Variants in UNC5C observed in about 807,000 individuals in gnomAD.
The protein encoded by UNC5C is unc-5 netrin receptor C.
In UNC5C, 47 loss-of-function variants were observed where a neutral mutation model predicts 99.8. The ratio of observed to expected loss-of-function variants is 0.47; its 90% CI spans 0.37 to 0.60. UNC5C has a LOEUF of 0.60. UNC5C is among the 20% of genes least tolerant of loss of function. The pLI, the probability that UNC5C is intolerant of heterozygous loss-of-function variation, is 0.00. For missense variants in UNC5C, 1,062 were observed against 1,165.9 expected (o/e 0.91, Z 1.30); for synonymous variants, 487 against 452.2 (o/e 1.08, Z -0.98).
intron 1 of UNC5C, among the ~76,000 whole-genome samples, chr4:95,509,999 A>C (rs1323735295): frequency 6.6e-6 from 1 of 151,972 alleles, no homozygotes; most frequent in African/African-American, 2.4e-5. Context: ...AGACAGGAAA[A>C]ACAATTTAAA....
intron 1 of UNC5C, among the ~76,000 whole-genome samples, chr4:95,446,710 G>A (rs1424775083): frequency 1.3e-5 from 2 of 152,120 alleles, no homozygotes; most frequent in African/African-American, 4.8e-5. Flanking sequence ...CACAACTATA[G>A]TGGTTACACA....
intron 2 of UNC5C, among the ~76,000 whole-genome samples, chr4:95,307,352 T>A (rs549596597): frequency 6.6e-6 from 1 of 152,166 alleles, no homozygotes; most frequent in East Asian, 1.9e-4. Flanking sequence ...AGCTTTATTA[T>A]GAGTATAATT....
At chr4:95,302,069 T>C (rs1411437233) in intron 2 of UNC5C, among the ~76,000 whole-genome samples, 1 of 152,236 alleles carries the variant, frequency 6.6e-6, no homozygotes, top group African/African-American at 2.4e-5. Flanking sequence ...AAATATAAAC[T>C]TGAGTTTCAC....
intron 1 of UNC5C, among the ~76,000 whole-genome samples, chr4:95,487,211 C>T (rs1721350406): frequency 1.3e-5 from 2 of 151,770 alleles, no homozygotes; most frequent in African/African-American, 4.8e-5. Flanking sequence ...ATAAATAGAA[C>T]ATTTGATTTG....
chr4:95,253,100 G>C (rs984885976), intron 4 of UNC5C, among the ~76,000 whole-genome samples: 2 of 152,042 alleles, frequency 1.3e-5, no homozygotes, highest in African/African-American at 4.8e-5. Context: ...CATTCAACCT[G>C]TACTAGGCTT....
chr4:95,223,743 ATTCTG>A (rs1738564437), intron 7 of UNC5C, among the ~76,000 whole-genome samples: 1 of 152,086 alleles, frequency 6.6e-6, no homozygotes, highest in Non-Finnish European at 1.5e-5. Context: ...TTCCATTTGT[ATTCTG>A]TGAACTCAAT....
intron 14 of UNC5C, among the ~76,000 whole-genome samples, chr4:95,174,279 G>C (rs1214309239): frequency 6.6e-6 from 1 of 151,600 alleles, no homozygotes; most frequent in Non-Finnish European, 1.5e-5. Flanking sequence ...CTTGCCTTCT[G>C]CTAGCTTTTG....
intron 1 of UNC5C, among the ~76,000 whole-genome samples, chr4:95,450,939 T>G (rs955441645): frequency 2.0e-5 from 3 of 152,146 alleles, no homozygotes; most frequent in African/African-American, 7.2e-5. Flanking sequence ...TAATGTAGCA[T>G]AAAGAACATA....
At chr4:95,319,761 T>A (rs911124614) in intron 2 of UNC5C, among the ~76,000 whole-genome samples, 11 of 152,246 alleles carry the variant, frequency 7.2e-5, no homozygotes, top group Non-Finnish European at 1.0e-4. Flanking sequence ...TTGTGGAAAT[T>A]TTTAACTAAA....
At chr4:95,540,660 A>T (rs772938983) in intron 1 of UNC5C, among the ~76,000 whole-genome samples, 48 of 152,336 alleles carry the variant, frequency 3.2e-4, no homozygotes, top group Non-Finnish European at 5.3e-4. Flanking sequence ...GGGCGGCTAC[A>T]ATGTGTATAT....
At chr4:95,256,016 G>A (rs1004539060) in intron 4 of UNC5C, among the ~76,000 whole-genome samples, 5 of 152,194 alleles carry the variant, frequency 3.3e-5, no homozygotes, top group Non-Finnish European at 5.9e-5. Flanking sequence ...ACAGCAGCAC[G>A]TGATCCGGTT....
chr4:95,360,859 G>C (rs941213041), intron 1 of UNC5C, among the ~76,000 whole-genome samples: 3 of 152,178 alleles, frequency 2.0e-5, no homozygotes, highest in Non-Finnish European at 2.9e-5. Flanking sequence ...CAAATGATTT[G>C]TGAAAGAAAG....
In UNC5C at chr4:95,202,791, G is replaced by A. The variant is rs367641612; in HGVS notation, c.2076C>T (p.Cys692=). 1.9e-6 allele frequency: 3 copies of A among 1,614,122 alleles called. No homozygotes were observed. The highest frequency in any genetic ancestry group is 1.3e-5 in the African/African-American group (1 of 74,946). Residue 692 remains cysteine (C), a synonymous_variant, in exon 12 of 16, where the codon TGC becomes TGT. Coordinates refer to ENST00000453304, the MANE Select transcript of UNC5C (RefSeq NM_003728.4). The stretch of plus-strand genomic sequence containing the variant: ...CTCGGATGCTGTACTCCAGCGAGGA[G>A]CAGCACAGGGGCCCAAAGATGGCCA... The part of the protein sequence containing the change: ...LKLAIFGPLC[C]SSLEYSIRVY...
At chr4:95,494,179 T>A (rs1721574394) in intron 1 of UNC5C, among the ~76,000 whole-genome samples, 1 of 151,478 alleles carries the variant, frequency 6.6e-6, no homozygotes, top group African/African-American at 2.4e-5. Context: ...CTTAACTCAG[T>A]GGAAAGGCTT....
chr4:95,281,900 C>A (rs1479863646), intron 3 of UNC5C, among the ~76,000 whole-genome samples: 18 of 152,142 alleles, frequency 1.2e-4, no homozygotes, highest in Non-Finnish European at 1.5e-5. Context: ...GGATACTTGG[C>A]AACATCCCTG....
intron 1 of UNC5C, among the ~76,000 whole-genome samples, chr4:95,435,598 C>A (rs534529055): frequency 6.6e-6 from 1 of 151,992 alleles, no homozygotes; most frequent in African/African-American, 2.4e-5. Context: ...ATACACATAA[C>A]CCTTCAAACA....
intron 1 of UNC5C, among the ~76,000 whole-genome samples, chr4:95,413,664 G>GT (rs2149452948): frequency 6.6e-6 from 1 of 152,266 alleles, no homozygotes; most frequent in South Asian, 2.1e-4. Context: ...CCTCATTTTT[G>GT]TTCCTTTCCA....
intron 2 of UNC5C, among the ~76,000 whole-genome samples, chr4:95,310,081 T>C (rs1382667416): frequency 6.6e-6 from 1 of 152,076 alleles, no homozygotes; most frequent in Non-Finnish European, 1.5e-5. Flanking sequence ...ATGTGGTACA[T>C]ATACACAGGG....
Position 95,395,353 on chromosome 4 carries a change from G to A in UNC5C, c.125-59722C>T, listed in dbSNP as rs547384210. ...ATAAAGCTATTTTCCTTTTGCACAG[G>A]TTTTATCAAAGCATTATTAACTTTA... is the stretch of plus-strand genomic sequence containing the variant. On this transcript the variant is annotated intron_variant, in intron 1 of 15. Transcript: ENST00000453304. Among the ~76,000 whole-genome samples, 4 of 152,198 alleles carry A rather than the reference G, an allele frequency of 2.6e-5. No homozygotes were observed. In the East Asian group the frequency reaches 7.7e-4, roughly 29 times the overall value.
Sources: gnomAD v4.1 joint callset for allele counts (sites outside exome capture counted in the v4.1 genomes callset) on GRCh38, gnomAD v4.1.1 for gene constraint, MANE v1.5 for transcripts, NCBI Gene and HGNC (gene_info 2026-07-23, HGNC 2026-07-21) for gene names.